The following CFLAR variants were observed in gnomAD, a reference collection of about 807,000 sequenced individuals.
CFLAR encodes CASP8 and FADD like apoptosis regulator, also known as CASP8 and FADD-like apoptosis regulator.
A neutral mutation model predicts 51.1 loss-of-function variants in CFLAR; 14 were observed. That is an observed-to-expected ratio of 0.27 (90% CI 0.18 to 0.43). The LOEUF (loss-of-function observed/expected upper bound fraction) is 0.43. Ranked by LOEUF, CFLAR falls within the 20% of genes least tolerant of loss-of-function variation. The pLI, the probability that CFLAR is intolerant of heterozygous loss-of-function variation, is 1.00. For synonymous variants in CFLAR, 210 were observed against 211.6 expected (o/e 0.99, Z 0.06); for missense variants, 390 against 566.5 (o/e 0.69, Z 3.16).
chr2:201,147,486 G>T (rs1395044227), intron 6 of CFLAR, among the ~76,000 whole-genome samples: 2 of 151,806 alleles, frequency 1.3e-5, no homozygotes, highest in Non-Finnish European at 2.9e-5. Flanking sequence ...CCGAGATCTT[G>T]CCACTGCATT....
intron 1 of CFLAR, among the ~76,000 whole-genome samples, chr2:201,123,591 T>C (rs2048392713): frequency 6.6e-6 from 1 of 152,196 alleles, no homozygotes; most frequent in African/African-American, 2.4e-5. Context: ...CTCCAGGGAA[T>C]GATCACCTCT....
At chr2:201,139,635 G>A (rs947388944) in intron 4 of CFLAR, 1 of 153,162 alleles carries the variant, frequency 6.5e-6, no homozygotes, top group Non-Finnish European at 1.5e-5. Context: ...AAGTCATTGA[G>A]ATGTTTATGT....
intron 5 of CFLAR, among the ~76,000 whole-genome samples, chr2:201,143,888 G>A (rs1361823338): frequency 6.6e-6 from 1 of 152,028 alleles, no homozygotes; most frequent in Non-Finnish European, 1.5e-5. Flanking sequence ...CTTGAACCCA[G>A]GCGGCAGAGG....
intron 1 of CFLAR, chr2:201,122,532 A>ATT (rs2125606282): frequency 6.6e-6 from 1 of 152,346 alleles, no homozygotes; most frequent in African/African-American, 2.4e-5. Flanking sequence ...AGCCCTGGCC[A>ATT]TTGTTTACCA....
chr2:201,140,669 C>T (rs1051673318), intron 5 of CFLAR: 8 of 433,472 alleles, frequency 1.8e-5, no homozygotes, highest in Non-Finnish European at 2.8e-5. Context: ...CACCTATATT[C>T]CACTATCCAA....
At chr2:201,122,993 G>A (rs1246428247) in intron 1 of CFLAR, among the ~76,000 whole-genome samples, 1 of 152,186 alleles carries the variant, frequency 6.6e-6, no homozygotes, top group Non-Finnish European at 1.5e-5. Context: ...CTCTTGGCCC[G>A]TTAGTTACAG....
intron 9 of CFLAR, 98 bp from the exon 10 acceptor site, chr2:201,163,737 C>G (rs1943282675): frequency 6.6e-7 from 1 of 1,517,664 alleles, no homozygotes. Context: ...GGAACAGTTT[C>G]AAAGAACTTT....
rs1944092569 is a variant in CFLAR, at chr2:201,172,748, C to T, written c.*8775C>T. ...ACCAGTGCTTCATTACATTTTATGG[C>T]TGAATAATACCCTATTGTGTGGATA... On this transcript the variant is annotated 3_prime_UTR_variant, in exon 10 of 10. Coordinates refer to ENST00000309955, the MANE Select transcript of CFLAR (RefSeq NM_003879.7). 6.6e-6 allele frequency: 1 copy of T among 152,186 alleles called. No individual in the cohort carries two copies. Among genetic ancestry groups the T allele is most frequent in the Non-Finnish European group, 1.5e-5 (1 of 68,044 alleles). 9.4% of individuals were successfully genotyped at this position (152,186 alleles called of 1,614,324 possible).
chr2:201,160,302 A>G, intron 8 of CFLAR, 130 bp from the exon 9 acceptor site: 3 of 1,032,500 alleles, frequency 2.9e-6, no homozygotes, highest in Non-Finnish European at 4.2e-6. Flanking sequence ...ACTCAGGCAC[A>G]TCAAAATATG....
At position 201,176,311 on chromosome 2, in the gene CFLAR, C is replaced by A. The variant is rs1412411924; in HGVS notation, c.*12338C>A. The A allele has an allele frequency of 6.7e-6, 1 of 148,594 alleles. No individual in the cohort carries two copies. The highest frequency in any genetic ancestry group is 1.5e-5 in the Non-Finnish European group (1 of 67,634). The allele number at this position is 148,594 out of a possible 1,614,324, so 9.2% of individuals were successfully genotyped here. On this transcript the variant is annotated 3_prime_UTR_variant, in exon 10 of 10. Coordinates refer to ENST00000309955, the MANE Select transcript of CFLAR (RefSeq NM_003879.7). ...GGGGGCGGGCGGGGGAGCTGCCTGT[C>A]CCTGGCACCACCTGTGACCAATTAT...
chr2:201,165,034 A>C lies in CFLAR; in HGVS notation c.*1061A>C. The C allele has an allele frequency of 6.6e-6, 1 of 151,988 alleles. No individual in the cohort carries two copies. The highest frequency in any genetic ancestry group is 2.4e-5 in the African/African-American group (1 of 41,374). The allele number at this position is 151,988 out of a possible 1,614,324, so 9.4% of individuals were successfully genotyped here. On this transcript the variant is annotated 3_prime_UTR_variant, in exon 10 of 10. Transcript: ENST00000309955. ...TACCTCCCAAAGGCCCCACCTTCTG[A>C]TACTGTCACTTTGGGGATACTGTCT...
At chr2:201,131,883 C>G (rs531162103) in intron 2 of CFLAR, among the ~76,000 whole-genome samples, 1 of 151,932 alleles carries the variant, frequency 6.6e-6, no homozygotes, top group African/African-American at 2.4e-5. Flanking sequence ...ACTTGTAAAG[C>G]GAAAAATAAT....
intron 8 of CFLAR, 150 bp downstream of exon 8, chr2:201,149,985 G>C (rs1940978474): frequency 1.7e-6 from 1 of 597,874 alleles, no homozygotes; most frequent in Non-Finnish European, 3.0e-6. Context: ...CTCATGCCTG[G>C]AATTCCAGCA....
intron 4 of CFLAR, chr2:201,137,879 C>T: frequency 1.2e-6 from 1 of 804,312 alleles, no homozygotes; most frequent in Non-Finnish European, 2.2e-6. Flanking sequence ...CGGGGGCCTC[C>T]ATGGTGGCGG....
chr2:201,160,034 T>G (rs1174458542), intron 8 of CFLAR, among the ~76,000 whole-genome samples: 1 of 152,192 alleles, frequency 6.6e-6, no homozygotes, highest in African/African-American at 2.4e-5. Flanking sequence ...TTGAGTACTT[T>G]CATGATGTGG....
At position 201,149,780 on chromosome 2, in the gene CFLAR, G is replaced by T; in HGVS notation, c.738G>T (p.Met246Ile). Residue 246 changes from methionine to isoleucine, a missense_variant, in exon 8 of 10, where the codon ATG (methionine) becomes ATT (isoleucine). By Grantham distance (10) the Met-to-Ile change is conservative (BLOSUM62 1). Transcript: ENST00000309955. ...GCATACCTGAAGAGAGATACAAGAT[G>T]AAGAGCAAGCCCCTAGGAATCTGCC... is the stretch of plus-strand genomic sequence containing the variant. The part of the protein sequence containing the change: ...PQSIPEERYK[M>I]KSKPLGICLI... 1 of 1,613,712 alleles carries T rather than the reference G, an allele frequency of 6.2e-7. No homozygotes were observed. The highest frequency in any genetic ancestry group is 1.1e-5 in the South Asian group (1 of 91,058).
At chr2:201,133,928 C>CAA (rs1267307823) in intron 3 of CFLAR, among the ~76,000 whole-genome samples, 109 of 49,434 alleles carry the variant, frequency 2.2e-3, no homozygotes, top group East Asian at 6.1e-3. Flanking sequence ...GACTCCATCT[C>CAA]AAAAAAAAAA....
rs1312534351 is a variant in CFLAR at position 201,169,500 on chromosome 2, AC to A, written c.*5530del. On this transcript the variant is annotated 3_prime_UTR_variant, in exon 10 of 10. Transcript: ENST00000309955. ...TAATGTAAAACCTAAAACTATAAAA[AC>A]CCTAGAAGAAAATCTATTTAATACC... 6.6e-6 allele frequency: 1 copy of A among 152,172 alleles called. No homozygotes were observed. Among genetic ancestry groups the A allele is most frequent in the Non-Finnish European group, 1.5e-5 (1 of 68,044 alleles). The allele number at this position is 152,172 out of a possible 1,614,324, so 9.4% of individuals were successfully genotyped here.
intron 6 of CFLAR, 144 bp downstream of exon 6, chr2:201,145,576 T>C (rs1939966805): frequency 1.6e-6 from 1 of 613,610 alleles, no homozygotes; most frequent in Admixed American, 2.9e-5. Flanking sequence ...ACTCTTACGA[T>C]AGACTCATTG....
Sources: gnomAD v4.1 joint callset for allele counts (sites outside exome capture counted in the v4.1 genomes callset) on GRCh38, gnomAD v4.1.1 for gene constraint, MANE v1.5 for transcripts, NCBI Gene and HGNC (gene_info 2026-07-23, HGNC 2026-07-21) for gene names.